Variants in SPAG16 observed in about 807,000 individuals in gnomAD.
SPAG16 encodes sperm associated antigen 16.
A neutral mutation model predicts 80.4 loss-of-function variants in SPAG16; 86 were observed. That is an observed-to-expected ratio of 1.07 (90% confidence interval 0.90 to 1.28). SPAG16 has a LOEUF of 1.28. SPAG16 is among the 50% of genes most tolerant of loss of function. The pLI, the probability that SPAG16 is intolerant of heterozygous loss-of-function variation, is 0.00. For missense variants in SPAG16, 870 were observed against 765.3 expected (o/e 1.14, Z -1.61); for synonymous variants, 294 against 265.9 (o/e 1.11, Z -1.03).
chr2:214,158,031 G>A (rs984944181), intron 15 of SPAG16, among the ~76,000 whole-genome samples: 7 of 151,794 alleles, frequency 4.6e-5, no homozygotes, highest in Non-Finnish European at 1.0e-4. Context: ...AGGAACAAAC[G>A]AGGGTCTAAA....
chr2:214,076,545 G>GTGTGTGTGTGTGTC (rs2051088026), intron 13 of SPAG16, among the ~76,000 whole-genome samples: 2 of 113,544 alleles, frequency 1.8e-5, no homozygotes, highest in African/African-American at 6.8e-5. Flanking sequence ...GTGTGTGTCT[G>GTGTGTGTGTGTGTC]TGTGTGTGTG....
chr2:213,330,682 G>C (rs1389216414), intron 5 of SPAG16, among the ~76,000 whole-genome samples: 1 of 152,114 alleles, frequency 6.6e-6, no homozygotes, highest in African/African-American at 2.4e-5. Flanking sequence ...GGGGACTGTT[G>C]GGAAGGCATT....
chr2:214,267,032 A>G (rs561249360), intron 15 of SPAG16, among the ~76,000 whole-genome samples: 56 of 151,974 alleles, frequency 3.7e-4, no homozygotes, highest in Admixed American at 9.2e-4. Context: ...TATAGATTCA[A>G]TGTAATAACT....
chr2:213,365,130 C>G (rs2066210318), intron 8 of SPAG16: 1 of 152,152 alleles, frequency 6.6e-6, no homozygotes, highest in Admixed American at 6.5e-5. Context: ...AAATGACATC[C>G]TTTTGAGGAA....
At chr2:214,085,457 T>G (rs2051674940) in intron 13 of SPAG16, among the ~76,000 whole-genome samples, 1 of 151,348 alleles carries the variant, frequency 6.6e-6, no homozygotes, top group African/African-American at 2.4e-5. Context: ...TATGTTGGTA[T>G]GGAGTTAGTG....
At chr2:214,352,599 T>C (rs1460081413) in intron 15 of SPAG16, among the ~76,000 whole-genome samples, 1 of 136,636 alleles carries the variant, frequency 7.3e-6, no homozygotes, top group East Asian at 1.9e-4. Flanking sequence ...TCCTAACATT[T>C]TTTTTTCATC....
At chr2:213,590,564 C>T (rs1410589241) in intron 10 of SPAG16, among the ~76,000 whole-genome samples, 3 of 152,038 alleles carry the variant, frequency 2.0e-5, no homozygotes. Flanking sequence ...TCATCACTAG[C>T]ATCATCAGAA....
intron 5 of SPAG16, among the ~76,000 whole-genome samples, chr2:213,324,718 A>G (rs2063770405): frequency 6.6e-6 from 1 of 152,166 alleles, no homozygotes; most frequent in Non-Finnish European, 1.5e-5. Context: ...AGGTACAAAT[A>G]TTTGGTGGGA....
Position 213,737,857 on chromosome 2 carries a change from C to T in SPAG16, c.1071-124628C>T, listed in dbSNP as rs563207507. Reference sequence around the variant, plus strand: ...TAAATGTAGGTTGAGAAGTTATTTTCGATTTTTGTCAGCATGACATTTTGC... The same window carrying T: ...TAAATGTAGGTTGAGAAGTTATTTTTGATTTTTGTCAGCATGACATTTTGC... On this transcript the variant is annotated intron_variant, in intron 10 of 15. Coordinates refer to ENST00000331683, the MANE Select transcript of SPAG16 (RefSeq NM_024532.5). 5.3e-5 allele frequency among the ~76,000 whole-genome samples: 8 copies of T among 152,084 alleles called. No homozygotes were observed. The South Asian group carries it at 1.2e-3, about 24-fold the overall frequency.
At chr2:213,739,854 G>A (rs180728563) in intron 10 of SPAG16, among the ~76,000 whole-genome samples, 2 of 152,168 alleles carry the variant, frequency 1.3e-5, no homozygotes, top group African/African-American at 2.4e-5. Flanking sequence ...TGCCTGCCTC[G>A]ACCTCCCAAA....
chr2:213,664,610 T>C lies in SPAG16; in HGVS notation c.1070+174520T>C, dbSNP rs147307192. 1.5e-3 allele frequency among the ~76,000 whole-genome samples: 230 copies of C among 152,198 alleles called. 6 individuals are homozygous for C. The East Asian group carries it at 0.043, about 29-fold the overall frequency. On this transcript the variant is annotated intron_variant, in intron 10 of 15. Coordinates refer to ENST00000331683, the MANE Select transcript of SPAG16 (RefSeq NM_024532.5). Reference sequence around the variant, plus strand: ...ATCTTGAAAAACTAGTTTTTTCCTTTTTCTTTGTAGTTCTGGAATGTCACC... The same window carrying C: ...ATCTTGAAAAACTAGTTTTTTCCTTCTTCTTTGTAGTTCTGGAATGTCACC...
At chr2:214,329,609 T>G (rs1275415840) in intron 15 of SPAG16, among the ~76,000 whole-genome samples, 3 of 152,188 alleles carry the variant, frequency 2.0e-5, no homozygotes, top group African/African-American at 4.8e-5. Flanking sequence ...CAGTTGAATA[T>G]TTGAACTGCT....
intron 10 of SPAG16, among the ~76,000 whole-genome samples, chr2:213,798,057 G>T (rs1167221259): frequency 1.3e-5 from 2 of 152,100 alleles, no homozygotes; most frequent in Non-Finnish European, 2.9e-5. Context: ...TTCCCCTAAT[G>T]ACTACTCCTG....
intron 15 of SPAG16, among the ~76,000 whole-genome samples, chr2:214,304,234 T>G (rs371112215): frequency 6.6e-6 from 1 of 152,196 alleles, no homozygotes; most frequent in African/African-American, 2.4e-5. Flanking sequence ...AATCTGGCCA[T>G]AAACTGGCCC....
chr2:214,300,744 A>G (rs1576719972), intron 15 of SPAG16, among the ~76,000 whole-genome samples: 1 of 152,058 alleles, frequency 6.6e-6, no homozygotes. Flanking sequence ...CAAATAACAT[A>G]TAATGCAATT....
intron 12 of SPAG16, among the ~76,000 whole-genome samples, chr2:213,942,980 G>A (rs1262083312): frequency 6.6e-6 from 1 of 152,130 alleles, no homozygotes; most frequent in Non-Finnish European, 1.5e-5. Context: ...AGGGACAAGA[G>A]ACCTTACTTT....
At chr2:213,296,400 G>C (rs1238291342) in intron 2 of SPAG16, among the ~76,000 whole-genome samples, 3 of 152,158 alleles carry the variant, frequency 2.0e-5, no homozygotes, top group African/African-American at 7.2e-5. Flanking sequence ...TGTTATCTCT[G>C]TTCAGGAGGC....
chr2:213,982,449 G>A (rs1017952649), intron 12 of SPAG16, among the ~76,000 whole-genome samples: 6 of 151,994 alleles, frequency 3.9e-5, no homozygotes, highest in African/African-American at 1.4e-4. Flanking sequence ...TTGAAAGCAA[G>A]ATAAAATATG....
intron 5 of SPAG16, among the ~76,000 whole-genome samples, chr2:213,336,076 A>G (rs187908614): frequency 9.0e-4 from 137 of 152,304 alleles, no homozygotes; most frequent in South Asian, 2.5e-3. Flanking sequence ...GGGCCCACCC[A>G]AGAGCTGTGT....
Sources: gnomAD v4.1 joint callset for allele counts (sites outside exome capture counted in the v4.1 genomes callset) on GRCh38, gnomAD v4.1.1 for gene constraint, MANE v1.5 for transcripts, NCBI Gene and HGNC (gene_info 2026-07-23, HGNC 2026-07-21) for gene names.